P4HA1: variants seen among roughly 807,000 people sequenced by gnomAD.
P4HA1 encodes the protein prolyl 4-hydroxylase subunit alpha 1, also known as prolyl 4-hydroxylase subunit alpha-1.
A neutral mutation model predicts 72.8 loss-of-function variants in P4HA1; 24 were observed. The observed-to-expected ratio is 0.33, with a 90% CI of 0.24 to 0.46. The LOEUF is 0.46. Among genes scored for constraint, P4HA1 ranks in the 20% least tolerant of loss-of-function variants. The pLI, the probability that P4HA1 is intolerant of heterozygous loss-of-function variation, is 1.00. For synonymous variants in P4HA1, 201 were observed against 218.8 expected (o/e 0.92, Z 0.72); for missense variants, 446 against 640.6 (o/e 0.70, Z 3.28).
intron 9 of P4HA1, among the ~76,000 whole-genome samples, chr10:73,039,348 C>T (rs1021202208): frequency 6.6e-6 from 1 of 152,056 alleles, no homozygotes; most frequent in Admixed American, 6.6e-5. Context: ...GCTCTGTTGC[C>T]CAGGCTGGAG....
At chr10:73,046,317 G>A (rs1840862788) in intron 8 of P4HA1, among the ~76,000 whole-genome samples, 2 of 152,148 alleles carry the variant, frequency 1.3e-5, no homozygotes, top group South Asian at 4.1e-4. Flanking sequence ...GCTGATGGGG[G>A]AAAAGGCAAG....
chr10:73,073,220 C>CT lies in P4HA1; in HGVS notation c.173+510dup, dbSNP rs573264487. ...TCAGCTTCCTGTATCCATCCATATT[C>CT]TTTTTTTTTTTTTTTTTTTGAGATA... On this transcript the variant is annotated intron_variant, in intron 3 of 14. Transcript: ENST00000394890. 4.8e-3 allele frequency among the ~76,000 whole-genome samples: 559 copies of CT among 116,148 alleles called. 8 individuals carry two copies. The highest frequency in any genetic ancestry group is 0.024 in the East Asian group (82 of 3,420). 76.2% of individuals were successfully genotyped at this position (116,148 alleles called of 152,430 possible).
intron 5 of P4HA1, among the ~76,000 whole-genome samples, chr10:73,064,242 G>C (rs533449618): frequency 2.6e-5 from 4 of 152,086 alleles, no homozygotes; most frequent in Admixed American, 6.6e-5. Context: ...TGCGGGGTGC[G>C]GGGGGGTGGA....
At chr10:73,070,411 C>T (rs562113258) in intron 4 of P4HA1, among the ~76,000 whole-genome samples, 1 of 152,052 alleles carries the variant, frequency 6.6e-6, no homozygotes, top group East Asian at 1.9e-4. Flanking sequence ...CCAGCCTCAG[C>T]CTCCCAAACT....
At chr10:73,043,285 A>T (rs905881461) in intron 9 of P4HA1, among the ~76,000 whole-genome samples, 1 of 152,218 alleles carries the variant, frequency 6.6e-6, no homozygotes, top group Non-Finnish European at 1.5e-5. Context: ...ATAAAAATTC[A>T]GCACAAAGAT....
Position 73,022,654 on chromosome 10 carries a change from C to A in P4HA1, c.1249-5755G>T, listed in dbSNP as rs147450960. Among the ~76,000 whole-genome samples the A allele has an allele frequency of 8.7e-4, 132 of 152,244 alleles. 1 individual carries two copies. Among genetic ancestry groups the A allele is most frequent in the Admixed American group, 6.3e-3 (97 of 15,286 alleles). On this transcript the variant is annotated intron_variant, in intron 10 of 14. Transcript: ENST00000394890. ...CTGGACAGAGAATGACTTTGATGAG[C>A]TGACAGAAGTAGGCTTCAGAAGGTC...
chr10:73,034,808 T>C (rs1357598335), intron 9 of P4HA1, among the ~76,000 whole-genome samples: 1 of 152,202 alleles, frequency 6.6e-6, no homozygotes, highest in East Asian at 1.9e-4. Context: ...GTCAAACTCC[T>C]GGACTCAGGC....
chr10:73,048,901 G>A (rs1003798919), intron 7 of P4HA1, among the ~76,000 whole-genome samples: 3 of 152,090 alleles, frequency 2.0e-5, no homozygotes, highest in Admixed American at 6.5e-5. Context: ...TTGGGAGGCC[G>A]AGGCAGGCGG....
intron 1 of P4HA1, among the ~76,000 whole-genome samples, chr10:73,076,850 T>C (rs1841708131): frequency 6.6e-6 from 1 of 152,194 alleles, no homozygotes; most frequent in Non-Finnish European, 1.5e-5. Context: ...CGTCTTCCTA[T>C]GTGACGTGAG....
At chr10:73,049,497 C>T (rs543613062) in intron 7 of P4HA1, among the ~76,000 whole-genome samples, 1 of 152,262 alleles carries the variant, frequency 6.6e-6, no homozygotes, top group African/African-American at 2.4e-5. Flanking sequence ...TATCACAATG[C>T]ACATTATCAT....
Position 73,063,394 on chromosome 10 carries a change from C to A in P4HA1, c.463+5452G>T, listed in dbSNP as rs1017707397. 5.9e-5 allele frequency among the ~76,000 whole-genome samples: 9 copies of A among 152,210 alleles called. No homozygotes were observed. In the South Asian group the frequency reaches 1.4e-3, roughly 25 times the overall value. ...TTTCATAAGGGCCTTAAATCCCATT[C>A]CTGTAGGCCCCACCTCTTAATACCA... On this transcript the variant is annotated intron_variant, in intron 5 of 14. Transcript: ENST00000394890.
intron 1 of P4HA1, among the ~76,000 whole-genome samples, chr10:73,091,010 G>A (rs1222311039): frequency 2.8e-5 from 4 of 141,240 alleles, no homozygotes; most frequent in South Asian, 2.2e-4. Context: ...GCCGTGAACC[G>A]AGATTGCGCC....
chr10:73,076,711 T>A (rs1841705087), intron 1 of P4HA1, among the ~76,000 whole-genome samples: 1 of 151,978 alleles, frequency 6.6e-6, no homozygotes, highest in South Asian at 2.1e-4. Flanking sequence ...CCTACAAACA[T>A]GAACTTTGTC....
intron 12 of P4HA1, among the ~76,000 whole-genome samples, chr10:73,013,218 G>A (rs1041693213): frequency 2.0e-5 from 3 of 152,194 alleles, no homozygotes; most frequent in African/African-American, 7.2e-5. Flanking sequence ...ACATTCGTCT[G>A]CAGTGGTAGG....
Position 73,045,005 on chromosome 10 carries a change from G to T in P4HA1, c.1124C>A (p.Thr375Lys), listed in dbSNP as rs145054165. The change falls in exon 9 of 15, where the codon ACG becomes AAG. Residue 375 changes from threonine (T) to lysine (K), a missense_variant. Thr to Lys is a moderately conservative substitution (Grantham distance 78). Coordinates refer to ENST00000394890, the MANE Select transcript of P4HA1 (RefSeq NM_001017962.3). ...ISNPITGDLETVHYRISKSAW... is the reference protein window; with the variant it reads ...ISNPITGDLEKVHYRISKSAW... ...CCTTTTGCTAATTCTGTAATGTACC[G>T]TCTCCAAGTCTCCTGTTATTGGGTT... 1.2e-6 allele frequency: 2 copies of T among 1,613,326 alleles called. No homozygotes were observed. Among genetic ancestry groups the T allele is most frequent in the Admixed American group, 3.3e-5 (2 of 59,960 alleles).
chr10:73,055,871 A>G (rs1336611478), intron 5 of P4HA1, among the ~76,000 whole-genome samples: 2 of 152,232 alleles, frequency 1.3e-5, no homozygotes, highest in Non-Finnish European at 2.9e-5. Context: ...CCATCTTATT[A>G]CAGATGAGGA....
intron 5 of P4HA1, among the ~76,000 whole-genome samples, chr10:73,056,430 G>A (rs1466835735): frequency 2.0e-5 from 3 of 152,016 alleles, no homozygotes; most frequent in African/African-American, 4.8e-5. Flanking sequence ...TCGGAAATTC[G>A]AGACCAGCCT....
At chr10:73,052,991 T>C (rs921698980) in intron 6 of P4HA1, among the ~76,000 whole-genome samples, 1 of 152,244 alleles carries the variant, frequency 6.6e-6, no homozygotes, top group Non-Finnish European at 1.5e-5. Flanking sequence ...CCATCTATTT[T>C]AAATCACTTT....
rs189550524 is a variant in P4HA1, at chr10:73,035,305, T to C, written c.1149-4935A>G. Among the ~76,000 whole-genome samples, 7 of 151,554 alleles carry C rather than the reference T, an allele frequency of 4.6e-5. No individual in the cohort carries two copies. The East Asian group carries it at 7.8e-4, about 17-fold the overall frequency. On this transcript the variant is annotated intron_variant, in intron 9 of 14. Transcript: ENST00000394890. ...CCAAGGTGGGAGGATCGTTTGGGGA[T>C]AGGAGTTGAAGACCAGTCTGGGAAA...
Sources: allele counts gnomAD v4.1 joint callset (sites outside exome capture counted in the v4.1 genomes callset), GRCh38; gene constraint gnomAD v4.1.1; transcripts MANE v1.5; gene names NCBI Gene and HGNC (gene_info 2026-07-23, HGNC 2026-07-21).